The following E2F3 variants were observed in gnomAD, a reference collection of about 807,000 sequenced individuals.
E2F3 encodes the protein E2F transcription factor 3.
A neutral mutation model predicts 44.4 loss-of-function variants in E2F3; 11 were observed. The ratio of observed to expected loss-of-function variants is 0.25; its 90% CI spans 0.16 to 0.41. The LOEUF is 0.41. Among genes scored for constraint, E2F3 ranks in the 10% least tolerant of loss-of-function variants. The pLI is 1.00. For missense variants in E2F3, 487 were observed against 583.6 expected, an observed-to-expected ratio of 0.83 and a Z score of 1.70; for synonymous variants, 249 against 253.0, an observed-to-expected ratio of 0.98 and a Z score of 0.15.
intron 1 of E2F3, among the ~76,000 whole-genome samples, chr6:20,445,804 G>A (rs1303560490): frequency 6.6e-6 from 1 of 152,178 alleles, no homozygotes; most frequent in Non-Finnish European, 1.5e-5. Flanking sequence ...TGAAATAAAG[G>A]TAAGCTATAC....
chr6:20,419,713 C>T (rs1371634697), intron 1 of E2F3, among the ~76,000 whole-genome samples: 2 of 144,150 alleles, frequency 1.4e-5, no homozygotes, highest in Admixed American at 1.3e-4. Flanking sequence ...TACAGGCGCA[C>T]GCCACCATGG....
chr6:20,448,216 T>C (rs1420380439), intron 1 of E2F3, among the ~76,000 whole-genome samples: 1 of 152,196 alleles, frequency 6.6e-6, no homozygotes, highest in African/African-American at 2.4e-5. Flanking sequence ...GCGCTCTCAA[T>C]GCAAAGCTTA....
intron 1 of E2F3, among the ~76,000 whole-genome samples, chr6:20,446,996 A>T (rs1760967096): frequency 6.6e-6 from 1 of 152,212 alleles, no homozygotes; most frequent in South Asian, 2.1e-4. Context: ...CATCTTAATA[A>T]AGAAATGTGG....
At chr6:20,470,021 C>T (rs1458410602) in intron 1 of E2F3, among the ~76,000 whole-genome samples, 2 of 152,194 alleles carry the variant, frequency 1.3e-5, no homozygotes, top group Non-Finnish European at 2.9e-5. Context: ...CCTCATCATT[C>T]TGTACTCAAA....
chr6:20,460,534 T>C, intron 1 of E2F3, among the ~76,000 whole-genome samples: 1 of 152,230 alleles, frequency 6.6e-6, no homozygotes, highest in East Asian at 1.9e-4. Context: ...TAAAATGGTT[T>C]ATTTAACCAT....
At chr6:20,440,840 T>C (rs1470053509) in intron 1 of E2F3, among the ~76,000 whole-genome samples, 5 of 152,094 alleles carry the variant, frequency 3.3e-5, no homozygotes, top group Non-Finnish European at 7.3e-5. Context: ...GGTGGGCATC[T>C]TGAATGGAGA....
At chr6:20,486,615 A>G in intron 4 of E2F3, 74 bp from the exon 5 acceptor site, 2 of 826,988 alleles carry the variant, frequency 2.4e-6, no homozygotes, top group Non-Finnish European at 2.0e-6. Flanking sequence ...AAAATATTCC[A>G]TGCATCTATT....
chr6:20,446,379 C>A (rs898077222), intron 1 of E2F3, among the ~76,000 whole-genome samples: 4 of 152,144 alleles, frequency 2.6e-5, no homozygotes, highest in Non-Finnish European at 5.9e-5. Context: ...TTTCATGAAA[C>A]TATTTCACCA....
intron 1 of E2F3, among the ~76,000 whole-genome samples, chr6:20,450,090 A>G (rs140957494): frequency 2.6e-5 from 4 of 152,192 alleles, no homozygotes; most frequent in African/African-American, 9.7e-5. Flanking sequence ...TACGGTATGC[A>G]TGAGTCTTCA....
At chr6:20,486,537 G>A (rs1762399074) in intron 4 of E2F3, 152 bp from the exon 5 acceptor site, 1 of 463,660 alleles carries the variant, frequency 2.2e-6, no homozygotes, top group African/African-American at 2.0e-5. Flanking sequence ...CTCCCAAAGT[G>A]CTGGGATTAC....
chr6:20,465,446 T>G (rs1761669289), intron 1 of E2F3, among the ~76,000 whole-genome samples: 1 of 152,236 alleles, frequency 6.6e-6, no homozygotes, highest in Non-Finnish European at 1.5e-5. Flanking sequence ...TTATTTCAGT[T>G]TCCATTTTAT....
chr6:20,466,207 G>A (rs546987008), intron 1 of E2F3, among the ~76,000 whole-genome samples: 3 of 152,190 alleles, frequency 2.0e-5, no homozygotes, highest in South Asian at 2.1e-4. Context: ...CCACCTCCTA[G>A]GTTCAAGCGA....
chr6:20,402,641 C>T lies in E2F3; in HGVS notation c.393+16C>T. ...CGGCCCTCCGGTAATACCCTCCCTC[C>T]CCACCGTCCCCAGCCCCGGCGGGAG... On this transcript the variant is annotated intron_variant, in intron 1 of 6. Transcript: ENST00000346618. This position sits in a 1 kb window ranked among gnomAD's most constrained non-coding sequence, Gnocchi z 5.6. 7.6e-7 allele frequency: 1 copy of T among 1,321,574 alleles called. No individual in the cohort carries two copies. Among genetic ancestry groups the T allele is most frequent in the Non-Finnish European group, 9.6e-7 (1 of 1,042,944 alleles). 81.9% of individuals were successfully genotyped at this position (1,321,574 alleles called of 1,614,324 possible).
chr6:20,460,259 C>T (rs1014863211), intron 1 of E2F3, among the ~76,000 whole-genome samples: 1 of 152,164 alleles, frequency 6.6e-6, no homozygotes, highest in Non-Finnish European at 1.5e-5. Flanking sequence ...AAATGAATTA[C>T]ACAGATTATG....
At chr6:20,415,442 G>A (rs1561849372) in intron 1 of E2F3, among the ~76,000 whole-genome samples, 1 of 152,148 alleles carries the variant, frequency 6.6e-6, no homozygotes, top group Non-Finnish European at 1.5e-5. Flanking sequence ...GGGCTGTCCT[G>A]TGCATTGTAG....
intron 1 of E2F3, among the ~76,000 whole-genome samples, chr6:20,462,921 C>G (rs1761572483): frequency 9.0e-6 from 1 of 110,778 alleles, no homozygotes; most frequent in South Asian, 3.4e-4. Flanking sequence ...CTGTATCACC[C>G]AGCCTGGACT....
At chr6:20,416,633 G>T (rs1759854798) in intron 1 of E2F3, among the ~76,000 whole-genome samples, 1 of 152,212 alleles carries the variant, frequency 6.6e-6, no homozygotes, top group Non-Finnish European at 1.5e-5. Context: ...GGAAGTGGGG[G>T]TGAGCAGCAC....
chr6:20,413,731 C>G (rs751861036), intron 1 of E2F3, among the ~76,000 whole-genome samples: 4 of 152,162 alleles, frequency 2.6e-5, no homozygotes, highest in Non-Finnish European at 4.4e-5. Flanking sequence ...GCCTGAAACA[C>G]AGCTAACCAA....
At chr6:20,479,809 A>G in intron 1 of E2F3, 37 bp from the exon 2 acceptor site, 3 of 1,565,960 alleles carry the variant, frequency 1.9e-6, no homozygotes, top group South Asian at 1.2e-5. Flanking sequence ...TCTTGTCCAT[A>G]TGACCGGTGA....
Sources: allele counts gnomAD v4.1 joint callset (sites outside exome capture counted in the v4.1 genomes callset), GRCh38; gene constraint gnomAD v4.1.1; non-coding constraint Gnocchi (gnomAD v3.1); transcripts MANE v1.5; gene names NCBI Gene and HGNC (gene_info 2026-07-23, HGNC 2026-07-21).